The following TFDP2 variants were observed in gnomAD, a reference collection of about 807,000 sequenced individuals.
The protein encoded by TFDP2 is transcription factor Dp-2.
Under a neutral mutation model 59.3 loss-of-function variants are expected in TFDP2, and 17 were observed. The ratio of observed to expected loss-of-function variants is 0.29; its 90% confidence interval spans 0.20 to 0.43. The LOEUF is 0.43. Ranked by LOEUF, TFDP2 falls within the 20% of genes least tolerant of loss-of-function variation. TFDP2 has a pLI of 1.00. For missense variants in TFDP2, 391 were observed against 528.8 expected (o/e 0.74, Z 2.56); for synonymous variants, 180 against 194.7 (o/e 0.92, Z 0.63).
chr3:142,051,455 C>CG (rs1360047190), intron 3 of TFDP2, among the ~76,000 whole-genome samples: 2 of 151,698 alleles, frequency 1.3e-5, no homozygotes, highest in Non-Finnish European at 2.9e-5. Flanking sequence ...GGGAGAATTG[C>CG]TTGAGCCTGG....
chr3:141,955,485 C>T (rs183187689), intron 11 of TFDP2, among the ~76,000 whole-genome samples: 4 of 152,118 alleles, frequency 2.6e-5, no homozygotes, highest in African/African-American at 4.8e-5. Flanking sequence ...GGCTGGAGAG[C>T]GTGGAGAGAG....
At chr3:142,013,651 A>G (rs1439272848) in intron 3 of TFDP2, among the ~76,000 whole-genome samples, 1 of 152,356 alleles carries the variant, frequency 6.6e-6, no homozygotes, top group African/African-American at 2.4e-5. Context: ...GCTAAGAAAC[A>G]GAACTAAAAA....
intron 3 of TFDP2, among the ~76,000 whole-genome samples, chr3:142,091,170 G>C (rs1482010027): frequency 2.6e-5 from 4 of 152,096 alleles, no homozygotes; most frequent in African/African-American, 9.7e-5. Context: ...ACCTTAAGCA[G>C]CCTTTTTGTT....
chr3:141,973,123 A>ATATATATATATATATATATTTTTTT, intron 8 of TFDP2, among the ~76,000 whole-genome samples: 1 of 58,026 alleles, frequency 1.7e-5, no homozygotes, highest in African/African-American at 6.5e-5. Flanking sequence ...ATATATATAT[A>ATATATATATATATATATATTTTTTT]TTTTTTTTTT....
chr3:141,982,215 T>C (rs184175867), intron 6 of TFDP2, among the ~76,000 whole-genome samples: 11 of 152,290 alleles, frequency 7.2e-5, no homozygotes, highest in East Asian at 5.8e-4. Context: ...TTTGGATATA[T>C]TGGACTAAAT....
At chr3:142,120,001 G>A (rs1261863774) in intron 1 of TFDP2, among the ~76,000 whole-genome samples, 1 of 151,816 alleles carries the variant, frequency 6.6e-6, no homozygotes, top group African/African-American at 2.4e-5. Context: ...AGTGAGCCGA[G>A]ATTGCACCAT....
intron 3 of TFDP2, among the ~76,000 whole-genome samples, chr3:142,021,290 CA>C (rs1945581172): frequency 6.6e-6 from 1 of 152,180 alleles, no homozygotes; most frequent in South Asian, 2.1e-4. Flanking sequence ...GGAGATCAGG[CA>C]TCCCATTGTG....
intron 3 of TFDP2, among the ~76,000 whole-genome samples, chr3:142,086,869 G>T (rs948618937): frequency 6.6e-6 from 1 of 152,140 alleles, no homozygotes; most frequent in Non-Finnish European, 1.5e-5. Context: ...TCCACCAAGG[G>T]TCACCTCATT....
chr3:142,084,091 G>A (rs971537493), intron 3 of TFDP2, among the ~76,000 whole-genome samples: 4 of 152,048 alleles, frequency 2.6e-5, no homozygotes, highest in Non-Finnish European at 4.4e-5. Context: ...GAAAACATCC[G>A]CAAACTACCC....
chr3:141,985,476 C>T (rs1286968945), intron 6 of TFDP2, among the ~76,000 whole-genome samples: 2 of 140,476 alleles, frequency 1.4e-5, no homozygotes, highest in African/African-American at 2.7e-5. Flanking sequence ...GCCATGACTG[C>T]GCCACTGCAC....
intron 1 of TFDP2, among the ~76,000 whole-genome samples, chr3:142,148,114 G>A (rs1438804900): frequency 7.0e-6 from 1 of 143,598 alleles, no homozygotes; most frequent in Non-Finnish European, 1.5e-5. Context: ...AAAACACATG[G>A]CCCAGAAAAA....
Position 141,997,419 on chromosome 3 carries a change from C to T in TFDP2, c.187-2278G>A, listed in dbSNP as rs557104665. ...TGATTAGCCTCTGGTCAACCCTATTCCTTGAACAGCAGTGTCTACAAAGCT... is the reference window on the plus strand; with the variant it reads ...TGATTAGCCTCTGGTCAACCCTATTTCTTGAACAGCAGTGTCTACAAAGCT... On this transcript the variant is annotated intron_variant, in intron 4 of 12. Coordinates refer to ENST00000489671, the MANE Select transcript of TFDP2 (RefSeq NM_001178139.2). Among the ~76,000 whole-genome samples the T allele has an allele frequency of 4.6e-5, 7 of 152,228 alleles. No homozygotes were observed. The South Asian group carries it at 8.3e-4, about 18-fold the overall frequency.
At chr3:142,028,846 G>T in intron 3 of TFDP2, 1 of 291,196 alleles carries the variant, frequency 3.4e-6, no homozygotes, top group Non-Finnish European at 5.1e-6. Context: ...GCTTTTCTAT[G>T]TAGAACCTTG....
At chr3:142,020,263 C>T (rs918787608) in intron 3 of TFDP2, among the ~76,000 whole-genome samples, 14 of 152,244 alleles carry the variant, frequency 9.2e-5, no homozygotes, top group South Asian at 8.3e-4. Context: ...GGGCCAGGGA[C>T]GGTGGCTCAC....
At chr3:142,125,990 T>C (rs2108711261) in intron 1 of TFDP2, among the ~76,000 whole-genome samples, 2 of 152,270 alleles carry the variant, frequency 1.3e-5, no homozygotes, top group Non-Finnish European at 2.9e-5. Context: ...TATTTTAAGA[T>C]ATTTTAGATA....
Position 141,959,846 on chromosome 3 carries a change from T to G in TFDP2, c.885-6A>C. 4 of 1,613,728 alleles carry G rather than the reference T, an allele frequency of 2.5e-6. No individual in the cohort carries two copies. Among genetic ancestry groups the G allele is most frequent in the South Asian group, 1.1e-5 (1 of 91,012 alleles). On this transcript the variant is annotated splice_polypyrimidine_tract_variant and splice_region_variant and intron_variant, in intron 10 of 12. Coordinates refer to ENST00000489671, the MANE Select transcript of TFDP2 (RefSeq NM_001178139.2). ...AATTGAAAAGATACTCAAACCTGCA[T>G]CAGGAAACAAAGTAAAGGGTTTTTG...
At position 142,131,975 on chromosome 3, in the gene TFDP2, G is replaced by A. The variant is rs142392889; in HGVS notation, c.-93+17208C>T. On this transcript the variant is annotated intron_variant, in intron 1 of 12. Transcript: ENST00000489671. ...GAGCCAAAATCGCTTCATTGCACTC[G>A]TCTGGGCAATGGAGCAAGACTCCGT... Among the ~76,000 whole-genome samples the A allele has an allele frequency of 4.3e-4, 58 of 135,210 alleles. 2 individuals are homozygous for A. The highest frequency in any genetic ancestry group is 1.1e-3 in the South Asian group (5 of 4,470). 88.7% of individuals were successfully genotyped at this position (135,210 alleles called of 152,430 possible).
chr3:141,962,512 C>T (rs1937492537), intron 10 of TFDP2, among the ~76,000 whole-genome samples: 1 of 152,100 alleles, frequency 6.6e-6, no homozygotes, highest in African/African-American at 2.4e-5. Context: ...GCGTGCGCCA[C>T]CAAGCCTGGC....
intron 6 of TFDP2, among the ~76,000 whole-genome samples, chr3:141,982,461 T>C (rs11569218): frequency 0.075 from 11,295 of 150,670 alleles, 522 homozygotes; most frequent in Non-Finnish European, 0.11. Flanking sequence ...ACAAGGAGTT[T>C]GATCTGTGTT....
Sources: allele counts gnomAD v4.1 joint callset (sites outside exome capture counted in the v4.1 genomes callset), GRCh38; gene constraint gnomAD v4.1.1; transcripts MANE v1.5; gene names NCBI Gene and HGNC (gene_info 2026-07-23, HGNC 2026-07-21).